Variants in CLTC observed in about 807,000 individuals in gnomAD.
CLTC encodes clathrin heavy chain 1.
In CLTC, 16 loss-of-function variants were observed where a neutral mutation model predicts 195.8. That is an observed-to-expected ratio of 0.08 (90% CI 0.06 to 0.12). The LOEUF (loss-of-function observed/expected upper bound fraction) is 0.12, where lower values mean the gene tolerates loss of function less well. Ranked by LOEUF, CLTC falls within the 10% of genes least tolerant of loss-of-function variation. The pLI is 1.00. For missense variants in CLTC, 796 were observed against 2,027.0 expected (o/e 0.39, Z 11.66); for synonymous variants, 667 against 689.4 (o/e 0.97, Z 0.51).
At chr17:59,643,135 GT>G (rs757554202) in intron 1 of CLTC, among the ~76,000 whole-genome samples, 456 of 138,426 alleles carry the variant, frequency 3.3e-3, no homozygotes, top group East Asian at 8.2e-3. Flanking sequence ...TTTCTGGGGT[GT>G]GTGTGTGTGT....
chr17:59,666,003 C>T lies in CLTC; in HGVS notation c.1645-100C>T. The T allele has an allele frequency of 2.3e-6, 2 of 873,746 alleles. No individual in the cohort carries two copies. The highest frequency in any genetic ancestry group is 3.5e-6 in the Non-Finnish European group (2 of 572,654). The allele number at this position is 873,746 out of a possible 1,614,324, so 54.1% of individuals were successfully genotyped here. ...ATTTGTTCTTAAGTGTTTATATTGT[C>T]CAAATAAAATTCTCAGGTAAAGAAA... On this transcript the variant is annotated intron_variant, in intron 10 of 31. Transcript: ENST00000269122. The surrounding 1 kb of genome is among the most constrained non-coding windows in gnomAD (Gnocchi z 4.9).
chr17:59,678,359 A>C (rs2033010721), intron 17 of CLTC, among the ~76,000 whole-genome samples: 1 of 151,292 alleles, frequency 6.6e-6, no homozygotes, highest in Non-Finnish European at 1.5e-5. Context: ...CCTCTCCCTT[A>C]ATTTAGCATC....
intron 1 of CLTC, among the ~76,000 whole-genome samples, chr17:59,634,021 A>C (rs996785463): frequency 2.0e-5 from 3 of 151,906 alleles, no homozygotes; most frequent in Non-Finnish European, 4.4e-5. Context: ...CAATCTTCCC[A>C]CCTCAGCCTG....
At chr17:59,669,740 T>C (rs1284301674) in intron 14 of CLTC, among the ~76,000 whole-genome samples, 1 of 123,990 alleles carries the variant, frequency 8.1e-6, no homozygotes, top group Non-Finnish European at 1.9e-5. Flanking sequence ...ATATATATAA[T>C]GATTCCTGAG....
rs201119120 is a variant in CLTC, at chr17:59,661,683, A to G, written c.1368+40A>G. ...GTTGACATAATCTTGCTTTGGTTGC[A>G]TTAAATATGATATTGGCAAGTTAAA... On this transcript the variant is annotated intron_variant, in intron 8 of 31. Transcript: ENST00000269122. 3.2e-6 allele frequency: 5 copies of G among 1,554,340 alleles called. No individual in the cohort carries two copies. In the East Asian group the frequency reaches 1.1e-4, roughly 35 times the overall value.
In CLTC at chr17:59,666,434, TG is replaced by T. The variant is rs751984364; in HGVS notation, c.1783-45del. 6.3e-7 allele frequency: 1 copy of T among 1,594,762 alleles called. No homozygotes were observed. The highest frequency in any genetic ancestry group is 2.2e-5 in the East Asian group (1 of 44,620). On this transcript the variant is annotated intron_variant, in intron 11 of 31. Coordinates refer to ENST00000269122, the MANE Select transcript of CLTC (RefSeq NM_004859.4). The surrounding 1 kb of genome is among the most constrained non-coding windows in gnomAD (Gnocchi z 4.9). ...TGTAATACGGATATTGAATTACTCA[TG>T]TAAGTGGAGTGGACAATAAACTTGC...
At chr17:59,652,399 T>A (rs184022218) in intron 5 of CLTC, among the ~76,000 whole-genome samples, 229 of 152,346 alleles carry the variant, frequency 1.5e-3, no homozygotes, top group Admixed American at 2.0e-3. Flanking sequence ...CCCAGATCCA[T>A]CAGATGAATC....
rs2032749574 is a variant in CLTC, at chr17:59,667,132, C to T, written c.2128+155C>T. The T allele has an allele frequency of 1.8e-5, 10 of 546,876 alleles. No individual in the cohort carries two copies. The South Asian group carries it at 2.6e-4, about 14-fold the overall frequency. 33.9% of individuals were successfully genotyped at this position (546,876 alleles called of 1,614,324 possible). On this transcript the variant is annotated intron_variant, in intron 13 of 31. Coordinates refer to ENST00000269122, the MANE Select transcript of CLTC (RefSeq NM_004859.4). ...GTTTTATTCAATATATGTCAAGGCC[C>T]TTTTATGTTGGATTCTAAGGATATG...
intron 13 of CLTC, among the ~76,000 whole-genome samples, chr17:59,668,292 G>T (rs781635015): frequency 6.6e-6 from 1 of 152,212 alleles, no homozygotes; most frequent in Non-Finnish European, 1.5e-5. Flanking sequence ...AATGGTGTAT[G>T]CCTTTAATAA....
At chr17:59,625,221 G>T (rs2031512311) in intron 1 of CLTC, among the ~76,000 whole-genome samples, 1 of 151,554 alleles carries the variant, frequency 6.6e-6, no homozygotes, top group African/African-American at 2.4e-5. Context: ...TGATTCTTCT[G>T]CCTCTGCCTC....
rs2031316241 is a variant in CLTC at position 59,620,112 on chromosome 17, C to G, written c.-20C>G. 2 of 1,614,038 alleles carry G rather than the reference C, an allele frequency of 1.2e-6. No individual in the cohort carries two copies. Among genetic ancestry groups the G allele is most frequent in the Non-Finnish European group, 1.7e-6 (2 of 1,179,948 alleles). Reference sequence around the variant, plus strand: ...CCGCAGCCCCAGTGACAGGAGGAGACCATAACCCCCGACAGCGCCATGGCC... The same window carrying G: ...CCGCAGCCCCAGTGACAGGAGGAGAGCATAACCCCCGACAGCGCCATGGCC... On this transcript the variant is annotated 5_prime_UTR_variant, in exon 1 of 32. Coordinates refer to ENST00000269122, the MANE Select transcript of CLTC (RefSeq NM_004859.4).
chr17:59,690,708 T>C lies in CLTC; in HGVS notation c.4900T>C (p.Tyr1634His). 6.2e-7 allele frequency: 1 copy of C among 1,608,832 alleles called. No individual in the cohort carries two copies. Among genetic ancestry groups the C allele is most frequent in the Non-Finnish European group, 8.5e-7 (1 of 1,175,952 alleles). The change falls in exon 31 of 32, where the codon TAT (tyrosine) becomes CAT (histidine). Residue 1634 changes from tyrosine (Y) to histidine (H), a missense_variant. Physicochemically the swap from Tyr to His is moderately conservative, Grantham distance 83. Around this residue, in one of 9 missense-constraint regions of CLTC, gnomAD observed 148 missense variants for 279.5 expected, o/e 0.53. Coordinates refer to ENST00000269122, the MANE Select transcript of CLTC (RefSeq NM_004859.4). ...EQATETQPIV[Y>H]GQPQLMLTAG... The stretch of plus-strand genomic sequence containing the variant: ...AGCTACAGAGACACAACCCATTGTT[T>C]ATGGTAATCTCTCTCTGTAACCTCA...
In CLTC at chr17:59,682,633, G is replaced by GTTTTT; in HGVS notation, c.3606_3607insTTTTT (p.Asp1203PhefsTer61). On this transcript the variant is annotated frameshift_variant, in exon 23 of 32. Coordinates refer to ENST00000269122, the MANE Select transcript of CLTC (RefSeq NM_004859.4). LOFTEE classifies it high-confidence loss of function. The surrounding 1 kb of genome is among the most constrained non-coding windows in gnomAD (Gnocchi z 6.8). Reference sequence around the variant, plus strand: ...GGGTTACCTTTTTTTTTCCAGGTTGGTGACCGTTGTTATGATGAAAAAATG... The same window carrying GTTTTT: ...GGGTTACCTTTTTTTTTCCAGGTTGGTTTTTTGACCGTTGTTATGATGAAAAAATG... 1 of 1,611,968 alleles carries GTTTTT rather than the reference G, an allele frequency of 6.2e-7. No homozygotes were observed. The highest frequency in any genetic ancestry group is 8.5e-7 in the Non-Finnish European group (1 of 1,179,076).
chr17:59,636,506 A>C (rs2031864352), intron 1 of CLTC, among the ~76,000 whole-genome samples: 1 of 151,754 alleles, frequency 6.6e-6, no homozygotes, highest in African/African-American at 2.4e-5. Flanking sequence ...CCCAGGCTGG[A>C]GTGCGGTGGC....
At chr17:59,676,470 C>T (rs2032967882) in intron 16 of CLTC, among the ~76,000 whole-genome samples, 1 of 152,128 alleles carries the variant, frequency 6.6e-6, no homozygotes, top group African/African-American at 2.4e-5. Context: ...TTTCTGAAGT[C>T]TAGATATTTT....
chr17:59,654,910 G>C (rs1182896598), intron 5 of CLTC, among the ~76,000 whole-genome samples: 4 of 152,178 alleles, frequency 2.6e-5, no homozygotes, highest in Non-Finnish European at 5.9e-5. Flanking sequence ...GTTTGACTTT[G>C]TCTGTGGTAG....
intron 14 of CLTC, among the ~76,000 whole-genome samples, chr17:59,672,188 A>G (rs1313361867): frequency 6.6e-6 from 1 of 152,210 alleles, no homozygotes; most frequent in Non-Finnish European, 1.5e-5. Flanking sequence ...ATATTATTAA[A>G]ATGTTAACAT....
At position 59,679,507 on chromosome 17, in the gene CLTC, C is replaced by G. The variant is rs1045938428; in HGVS notation, c.2907C>G (p.Pro969=). 1.3e-6 allele frequency: 2 copies of G among 1,592,228 alleles called. No homozygotes were observed. Among genetic ancestry groups the G allele is most frequent in the Non-Finnish European group, 1.7e-6 (2 of 1,168,384 alleles). The change falls in exon 18 of 32, where the codon CCC becomes CCG. Residue 969 remains proline (P), a synonymous_variant. Coordinates refer to ENST00000269122, the MANE Select transcript of CLTC (RefSeq NM_004859.4). ...TGGAAAGCAATCCTTACAGGAGACC[C>G]CTAATTGACCAGGTAACATTGGCAA... ...VLLESNPYRR[P]LIDQVVQTAL...
chr17:59,622,279 A>G (rs540812850), intron 1 of CLTC, among the ~76,000 whole-genome samples: 2 of 152,356 alleles, frequency 1.3e-5, no homozygotes, highest in Non-Finnish European at 2.9e-5. Context: ...CTTAGCTAAT[A>G]TGACTGTGCT....
Sources: gnomAD v4.1 joint callset for allele counts (sites outside exome capture counted in the v4.1 genomes callset) on GRCh38, gnomAD v4.1.1 for gene constraint, gnomAD v4.1.1 regional missense constraint, Gnocchi (gnomAD v3.1) non-coding constraint, MANE v1.5 for transcripts, NCBI Gene and HGNC (gene_info 2026-07-23, HGNC 2026-07-21) for gene names.